Variants in TTC6 observed in about 807,000 individuals in gnomAD.
TTC6 encodes tetratricopeptide repeat domain 6, also known as tetratricopeptide repeat protein 6.
TTC6 carries 172 observed loss-of-function variants against 210.4 expected under a neutral mutation model. The observed-to-expected ratio is 0.82, with a 90% CI of 0.72 to 0.93. The LOEUF is 0.93. Among genes scored for constraint, TTC6 ranks in the 40% least tolerant of loss-of-function variants. The pLI is 0.00. For missense variants in TTC6, 2,414 were observed against 2,318.1 expected (o/e 1.04, Z -0.85); for synonymous variants, 804 against 819.6 (o/e 0.98, Z 0.32).
chr14:37,617,845 T>C (rs2095645237), upstream of TTC6, among the ~76,000 whole-genome samples: 2 of 152,234 alleles, frequency 1.3e-5, no homozygotes, highest in African/African-American at 4.8e-5. Flanking sequence ...GTTTAGGAGG[T>C]ATGTCAGTTG....
intron 14 of TTC6, among the ~76,000 whole-genome samples, chr14:37,763,293 TTGTC>T (rs1417654504): frequency 6.6e-6 from 1 of 152,146 alleles, no homozygotes; most frequent in African/African-American, 2.4e-5. Context: ...TGTGCTGTCT[TTGTC>T]TGGCTTTAAT....
intron 14 of TTC6, among the ~76,000 whole-genome samples, chr14:37,775,177 A>G (rs1233507404): frequency 2.0e-5 from 3 of 152,158 alleles, no homozygotes; most frequent in Non-Finnish European, 2.9e-5. Context: ...TTTCAAAAAC[A>G]TAACTACTGG....
chr14:37,652,733 G>A (rs753024008), intron 1 of TTC6, among the ~76,000 whole-genome samples: 22 of 151,846 alleles, frequency 1.4e-4, no homozygotes, highest in African/African-American at 5.1e-4. Context: ...TGACTTCCCC[G>A]CCTCCATTAA....
At chr14:37,621,554 A>C (rs912695034), upstream of TTC6, among the ~76,000 whole-genome samples, 34 of 152,288 alleles carry the variant, frequency 2.2e-4, no homozygotes, top group African/African-American at 7.9e-4. Context: ...GGCTGCACTA[A>C]GCCATGATCA....
chr14:37,637,889 A>G (rs955266794), intron 1 of TTC6, among the ~76,000 whole-genome samples: 4 of 152,214 alleles, frequency 2.6e-5, no homozygotes, highest in Admixed American at 2.0e-4. Context: ...TGGTAGGAAT[A>G]TAAGATGACA....
chr14:37,624,143 T>A (rs1368291011), intron 1 of TTC6, among the ~76,000 whole-genome samples: 9 of 152,226 alleles, frequency 5.9e-5, no homozygotes, highest in Non-Finnish European at 1.2e-4. Flanking sequence ...AAAACAGGTA[T>A]GAACAAGAGT....
intron 23 of TTC6, 100 bp downstream of exon 25, chr14:37,807,560 A>G: frequency 1.9e-6 from 2 of 1,043,118 alleles, no homozygotes; most frequent in Non-Finnish European, 2.6e-6. Flanking sequence ...GTGGTTGGGA[A>G]TCACTATGAT....
chr14:37,792,294 C>T (rs977646353), exon 17 of TTC6: 36 of 1,526,412 alleles, frequency 2.4e-5, no homozygotes, highest in Non-Finnish European at 3.1e-5. Context: ...TAAATATTGG[C>T]CTCATACATC....
intron 29 of TTC6, among the ~76,000 whole-genome samples, chr14:37,833,054 CA>C (rs35167770): frequency 1.4e-4 from 18 of 131,586 alleles, no homozygotes; most frequent in African/African-American, 1.4e-4. Context: ...GAGACTCCAT[CA>C]AAAAAAAAAA....
At chr14:37,620,214 C>T (rs2095649094), upstream of TTC6, among the ~76,000 whole-genome samples, 1 of 151,748 alleles carries the variant, frequency 6.6e-6, no homozygotes, top group Non-Finnish European at 1.5e-5. Flanking sequence ...GGGATATATA[C>T]ATATATATAT....
At chr14:37,718,198 A>G (rs1238699095) in intron 6 of TTC6, among the ~76,000 whole-genome samples, 1 of 152,254 alleles carries the variant, frequency 6.6e-6, no homozygotes, top group African/African-American at 2.4e-5. Flanking sequence ...AATTAAAAAT[A>G]CGTAAAAAGA....
chr14:37,841,459 C>T (rs1187897269), exon 30 of TTC6: 1 of 1,589,250 alleles, frequency 6.3e-7, no homozygotes, highest in East Asian at 2.3e-5. Context: ...GTGACTACTT[C>T]TCAAAAGCTT....
chr14:37,725,412 G>A (rs2095871078), intron 7 of TTC6, among the ~76,000 whole-genome samples: 1 of 146,714 alleles, frequency 6.8e-6, no homozygotes, highest in African/African-American at 2.5e-5. Flanking sequence ...GGGCAATGGT[G>A]CGATCTTGGC....
chr14:37,744,882 G>A (rs557306983), intron 10 of TTC6, among the ~76,000 whole-genome samples: 1 of 152,086 alleles, frequency 6.6e-6, no homozygotes, highest in African/African-American at 2.4e-5. Context: ...TAATCTAGGT[G>A]AGAAATAGTT....
intron 14 of TTC6, among the ~76,000 whole-genome samples, chr14:37,758,501 T>C (rs1242194089): frequency 6.6e-6 from 1 of 152,214 alleles, no homozygotes; most frequent in African/African-American, 2.4e-5. Flanking sequence ...GAGACTAAGA[T>C]TGTAACCCCT....
chr14:37,663,000 T>C (rs1036663223), intron 1 of TTC6, among the ~76,000 whole-genome samples: 6 of 152,164 alleles, frequency 3.9e-5, no homozygotes, highest in African/African-American at 1.2e-4. Flanking sequence ...TTTAATGATA[T>C]TGATTTTTTT....
chr14:37,770,109 G>A (rs1371593581), intron 14 of TTC6, among the ~76,000 whole-genome samples: 37 of 152,102 alleles, frequency 2.4e-4, no homozygotes, highest in Admixed American at 2.4e-3. Flanking sequence ...GTAGTTGAGC[G>A]GTTTTGAGTG....
At chr14:37,658,766 G>A (rs965602123) in intron 1 of TTC6, among the ~76,000 whole-genome samples, 3 of 152,118 alleles carry the variant, frequency 2.0e-5, no homozygotes, top group Admixed American at 6.6e-5. Flanking sequence ...GTCTGAAAAA[G>A]CCTTTAAAAA....
intron 29 of TTC6, among the ~76,000 whole-genome samples, chr14:37,836,125 T>C (rs1484140113): frequency 6.6e-6 from 1 of 152,226 alleles, no homozygotes; most frequent in Non-Finnish European, 1.5e-5. Flanking sequence ...CCGAGCTTTC[T>C]TCATGTAAAT....
Sources: allele counts gnomAD v4.1 joint callset (sites outside exome capture counted in the v4.1 genomes callset), GRCh38; gene constraint gnomAD v4.1.1; transcripts MANE v1.5; gene names NCBI Gene and HGNC (gene_info 2026-07-23, HGNC 2026-07-21).